The following MX1 variants were observed in gnomAD, a reference collection of about 807,000 sequenced individuals.
MX1 encodes the protein interferon-induced GTP-binding protein Mx1.
MX1 carries 66 observed loss-of-function variants against 66.4 expected under a neutral mutation model. The ratio of observed to expected loss-of-function variants is 0.99; its 90% CI spans 0.82 to 1.22. MX1 has a LOEUF of 1.22. MX1 is among the 50% of genes most tolerant of loss of function. The probability of loss-of-function intolerance (pLI) is 0.00; values close to 1 mark genes in which losing one functional copy is unlikely to be tolerated. For synonymous variants in MX1, 311 were observed against 318.1 expected (o/e 0.98, Z 0.24); for missense variants, 787 against 834.3 (o/e 0.94, Z 0.70).
upstream of MX1, among the ~76,000 whole-genome samples, chr21:41,423,648 C>T (rs375479321): frequency 2.0e-5 from 3 of 152,142 alleles, no homozygotes; most frequent in East Asian, 1.9e-4. Flanking sequence ...CAGCTCGTCC[C>T]GTCTCTCACT....
intron 14 of MX1, 127 bp downstream of exon 14, chr21:41,449,422 T>C: frequency 1.1e-6 from 1 of 876,388 alleles, no homozygotes; most frequent in Non-Finnish European, 1.7e-6. Flanking sequence ...AACCTCTCAT[T>C]CTCCAGATGC....
At chr21:41,448,900 G>A (rs573413166) in intron 13 of MX1, among the ~76,000 whole-genome samples, 1 of 149,294 alleles carries the variant, frequency 6.7e-6, no homozygotes, top group South Asian at 2.2e-4. Flanking sequence ...TTCCTGAGAT[G>A]ACTAAGGAAA....
intron 13 of MX1, among the ~76,000 whole-genome samples, chr21:41,448,920 A>G (rs376587774): frequency 7.3e-6 from 1 of 136,434 alleles, no homozygotes; most frequent in African/African-American, 2.7e-5. Context: ...AATTATCTTC[A>G]GATCTGGTTT....
At chr21:41,458,487 G>A in intron 16 of MX1, 41 bp from the exon 17 acceptor site, 2 of 1,610,724 alleles carry the variant, frequency 1.2e-6, no homozygotes, top group East Asian at 2.2e-5. Context: ...CCTCCTCACA[G>A]TGTCCCCTCC....
chr21:41,446,011 C>T lies in MX1; in HGVS notation c.1143C>T (p.Ala381=). Residue 381 remains alanine, a synonymous_variant, in exon 13 of 17, where the codon GCC becomes GCT. Transcript: ENST00000398598. ...TTTCTTCTTGACAGAAAGTTAATGCCTTTAATCAGGACATCACTGCTCTCA... is the reference window on the plus strand; with the variant it reads ...TTTCTTCTTGACAGAAAGTTAATGCTTTTAATCAGGACATCACTGCTCTCA... ...KMFFLIDKVN[A]FNQDITALMQ... is the part of the protein sequence containing the mutation. 6.2e-7 allele frequency: 1 copy of T among 1,613,988 alleles called. No individual in the cohort carries two copies. Among genetic ancestry groups the T allele is most frequent in the Non-Finnish European group, 8.5e-7 (1 of 1,179,892 alleles).
chr21:41,443,501 CTG>C (rs754984140), intron 10 of MX1: 5 of 445,762 alleles, frequency 1.1e-5, no homozygotes, highest in Non-Finnish European at 2.1e-5. Flanking sequence ...CTATACATGT[CTG>C]TGTATTTTTG....
chr21:41,457,110 A>G (rs988007841), intron 16 of MX1, among the ~76,000 whole-genome samples: 3 of 152,176 alleles, frequency 2.0e-5, no homozygotes, highest in Admixed American at 2.0e-4. Flanking sequence ...TCTCATTACA[A>G]TCTTAATTGG....
intron 11 of MX1, 99 bp downstream of exon 11, chr21:41,443,965 C>T (rs1210553313): frequency 1.8e-6 from 2 of 1,134,822 alleles, no homozygotes; most frequent in East Asian, 4.8e-5. Flanking sequence ...CACAGATCTT[C>T]TGAGGATCTT....
intron 15 of MX1, among the ~76,000 whole-genome samples, chr21:41,451,964 G>A (rs1033314050): frequency 2.6e-5 from 4 of 152,078 alleles, no homozygotes; most frequent in Admixed American, 6.5e-5. Context: ...AGGTGTCCCC[G>A]GCACAGATGA....
chr21:41,453,331 T>A (rs2090882109), intron 16 of MX1, among the ~76,000 whole-genome samples: 1 of 152,180 alleles, frequency 6.6e-6, no homozygotes, highest in Non-Finnish European at 1.5e-5. Context: ...CAATTCAAGA[T>A]GAGATTTGGG....
intron 14 of MX1, chr21:41,449,507 G>A: frequency 2.2e-6 from 1 of 459,452 alleles, no homozygotes; most frequent in Non-Finnish European, 3.8e-6. Flanking sequence ...ATAGCTTAAG[G>A]GCTCAGTTCC....
chr21:41,448,184 C>T (rs1340374134), intron 13 of MX1, among the ~76,000 whole-genome samples: 2 of 152,300 alleles, frequency 1.3e-5, no homozygotes, highest in Non-Finnish European at 1.5e-5. Context: ...ATGGGGCTAA[C>T]TCTCTCTAGT....
upstream of MX1, chr21:41,426,102 G>C (rs773566334): frequency 5.7e-6 from 1 of 174,076 alleles, no homozygotes; most frequent in South Asian, 2.0e-4. Flanking sequence ...GGCAAGTGCT[G>C]CAGGTGCGGG....
intron 1 of MX1, 139 bp downstream of exon 1, chr21:41,426,402 C>G (rs1410477429): frequency 6.6e-6 from 1 of 152,302 alleles, no homozygotes; most frequent in Non-Finnish European, 1.5e-5. Context: ...CTGCTAGTAA[C>G]TAACAATAAT....
At chr21:41,438,950 G>A (rs1307462566) in intron 7 of MX1, among the ~76,000 whole-genome samples, 2 of 152,214 alleles carry the variant, frequency 1.3e-5, no homozygotes, top group Middle Eastern at 3.4e-3. Flanking sequence ...CCATGGCAAG[G>A]GGCATATCTC....
At chr21:41,433,291 C>T (rs1040677358) in intron 5 of MX1, among the ~76,000 whole-genome samples, 5 of 152,238 alleles carry the variant, frequency 3.3e-5, no homozygotes, top group African/African-American at 1.2e-4. Flanking sequence ...CCAGGCTCTC[C>T]AGGTGATTCT....
intron 10 of MX1, among the ~76,000 whole-genome samples, chr21:41,442,508 C>T (rs1314080243): frequency 5.9e-5 from 9 of 152,104 alleles, no homozygotes; most frequent in African/African-American, 2.4e-5. Context: ...ATCCCTCCTA[C>T]CAAAAGTGAC....
intron 15 of MX1, among the ~76,000 whole-genome samples, chr21:41,452,052 A>G (rs79265264): frequency 0.031 from 4,782 of 152,058 alleles, 254 homozygotes; most frequent in East Asian, 0.098. Context: ...CTCCTCATTC[A>G]TAAAAGAAGA....
intron 11 of MX1, among the ~76,000 whole-genome samples, chr21:41,444,366 G>C (rs898636465): frequency 4.8e-5 from 5 of 103,750 alleles, no homozygotes; most frequent in Admixed American, 1.6e-4. Flanking sequence ...TCACTCTGTT[G>C]CCCAGGCTGG....
Sources: gnomAD v4.1 joint callset for allele counts (sites outside exome capture counted in the v4.1 genomes callset) on GRCh38, gnomAD v4.1.1 for gene constraint, MANE v1.5 for transcripts, NCBI Gene and HGNC (gene_info 2026-07-23, HGNC 2026-07-21) for gene names.